Variants in AGAP1 observed in about 807,000 individuals in gnomAD.
AGAP1 encodes the protein arf-GAP with GTPase, ANK repeat and PH domain-containing protein 1.
In AGAP1, 29 loss-of-function variants were observed where a neutral mutation model predicts 105.3. The ratio of observed to expected loss-of-function variants is 0.28; its 90% CI spans 0.21 to 0.38. AGAP1 has a LOEUF of 0.38. Among genes scored for constraint, AGAP1 ranks in the 10% least tolerant of loss-of-function variants. The pLI is 1.00. For missense variants in AGAP1, 998 were observed against 1,165.1 expected (o/e 0.86, Z 2.09); for synonymous variants, 509 against 485.9 (o/e 1.05, Z -0.63).
rs1212664859 is a variant in AGAP1 at position 235,887,194 on chromosome 2, A to G, written c.1155+3745A>G. Among the ~76,000 whole-genome samples the G allele has an allele frequency of 1.3e-5, 2 of 152,216 alleles. No individual in the cohort carries two copies. The highest frequency in any genetic ancestry group is 2.9e-5 in the Non-Finnish European group (2 of 68,042). Reference sequence around the variant, plus strand: ...ACATCCTTGGCTATCTCCAGGATGTATTACGGCAGAAGGACCACTGAGAGT... The same window carrying G: ...ACATCCTTGGCTATCTCCAGGATGTGTTACGGCAGAAGGACCACTGAGAGT... On this transcript the variant is annotated intron_variant, in intron 10 of 17. Coordinates refer to ENST00000304032, the MANE Select transcript of AGAP1 (RefSeq NM_001037131.3). This position sits in a 1 kb window ranked among gnomAD's most constrained non-coding sequence, Gnocchi z 4.1.
At position 235,620,515 on chromosome 2, in the gene AGAP1, C is replaced by T. The variant is rs1946442823; in HGVS notation, c.164-88664C>T. Among the ~76,000 whole-genome samples, 1 of 152,134 alleles carries T rather than the reference C, an allele frequency of 6.6e-6. No individual in the cohort carries two copies. Among genetic ancestry groups the T allele is most frequent in the African/African-American group, 2.4e-5 (1 of 41,426 alleles). On this transcript the variant is annotated intron_variant, in intron 1 of 17. Transcript: ENST00000304032. The surrounding 1 kb of genome is among the most constrained non-coding windows in gnomAD (Gnocchi z 4.5). ...GCACTGCTTCCTCTTTTTGGAAAAC[C>T]TTCCTGGGGGCCCTTGCAGCTTGGC...
rs1348649333 is a variant in AGAP1, at chr2:235,792,703, G to GAGCTAGAAAACAGACGAGAC, written c.674-5037_674-5036insCAGCTAGAAAACAGACGAGA. Among the ~76,000 whole-genome samples the GAGCTAGAAAACAGACGAGAC allele has an allele frequency of 6.6e-6, 1 of 152,212 alleles. No homozygotes were observed. The highest frequency in any genetic ancestry group is 1.5e-5 in the Non-Finnish European group (1 of 68,032). On this transcript the variant is annotated intron_variant, in intron 6 of 17. Transcript: ENST00000304032. The surrounding 1 kb of genome is among the most constrained non-coding windows in gnomAD (Gnocchi z 5.3). ...TGAAGAGCGGGTTGTGCCATCGACTGAGCTAGAAAACAGACGAGAGGCAGG... is the reference window on the plus strand; with the variant it reads ...TGAAGAGCGGGTTGTGCCATCGACTGAGCTAGAAAACAGACGAGACAGCTAGAAAACAGACGAGAGGCAGG...
intron 13 of AGAP1, among the ~76,000 whole-genome samples, chr2:236,011,088 G>A (rs570638117): frequency 6.6e-6 from 1 of 152,314 alleles, no homozygotes; most frequent in South Asian, 2.1e-4. Flanking sequence ...CCAGCATGAT[G>A]ATGAGTTTTC....
At chr2:235,834,481 C>T (rs1959878270) in intron 9 of AGAP1, among the ~76,000 whole-genome samples, 1 of 152,314 alleles carries the variant, frequency 6.6e-6, no homozygotes, top group East Asian at 1.9e-4. Context: ...CCACAGAGCC[C>T]GGTCTGTGAG....
chr2:235,621,651 A>C lies in AGAP1; in HGVS notation c.164-87528A>C, dbSNP rs1411167748. On this transcript the variant is annotated intron_variant, in intron 1 of 17. Transcript: ENST00000304032. The surrounding 1 kb of genome is among the most constrained non-coding windows in gnomAD (Gnocchi z 4.1). The stretch of plus-strand genomic sequence containing the variant: ...TGTCAGTGACCCTTCTGGTCTCTCC[A>C]ACACAAGGGTTGGTCATTCCCTGTG... Among the ~76,000 whole-genome samples the C allele has an allele frequency of 4.6e-5, 7 of 152,204 alleles. No homozygotes were observed.
chr2:235,703,813 T>G (rs528078746), intron 1 of AGAP1, among the ~76,000 whole-genome samples: 98 of 152,256 alleles, frequency 6.4e-4, no homozygotes, highest in Non-Finnish European at 1.2e-3. Flanking sequence ...ACGAGGCTAG[T>G]CTGGAACTCC....
chr2:235,528,166 T>A (rs918939762), intron 1 of AGAP1, among the ~76,000 whole-genome samples: 2 of 152,162 alleles, frequency 1.3e-5, no homozygotes, highest in African/African-American at 4.8e-5. Flanking sequence ...CCAGAAAGTT[T>A]TACCAATTTA....
Position 235,886,795 on chromosome 2 carries a change from G to A in AGAP1, c.1155+3346G>A, listed in dbSNP as rs1196417018. On this transcript the variant is annotated intron_variant, in intron 10 of 17. Coordinates refer to ENST00000304032, the MANE Select transcript of AGAP1 (RefSeq NM_001037131.3). ...CTGAAGAGATGGCATGACCTTCCACGTAATCCTTCATGGGTTTCATTTTCA... is the reference window on the plus strand; with the variant it reads ...CTGAAGAGATGGCATGACCTTCCACATAATCCTTCATGGGTTTCATTTTCA... Among the ~76,000 whole-genome samples, 5 of 152,170 alleles carry A rather than the reference G, an allele frequency of 3.3e-5. No homozygotes were observed. The South Asian group carries it at 6.2e-4, about 19-fold the overall frequency.
chr2:235,826,597 C>G (rs530039908), intron 9 of AGAP1, among the ~76,000 whole-genome samples: 7 of 151,994 alleles, frequency 4.6e-5, no homozygotes, highest in Middle Eastern at 3.4e-3. Context: ...TTACAGGCGC[C>G]CGCCACCACA....
At chr2:235,511,961 T>TAAAGGTGATTGTGAGTGTGTG (rs1942148607) in intron 1 of AGAP1, among the ~76,000 whole-genome samples, 1 of 151,130 alleles carries the variant, frequency 6.6e-6, no homozygotes, top group Admixed American at 6.6e-5. Context: ...AATGTGTGTG[T>TAAAGGTGATTGTGAGTGTGTG]AAAGGTGATT....
At chr2:236,048,960 T>C (rs778179569) in intron 15 of AGAP1, 99 bp from the exon 16 acceptor site, 1 of 1,163,928 alleles carries the variant, frequency 8.6e-7, no homozygotes, top group Non-Finnish European at 1.3e-6. Context: ...GTTCTGTCGT[T>C]GTGAAGTTTG....
rs10681734 is a variant in AGAP1 at position 235,888,705 on chromosome 2, T to TAAA, written c.1155+5269_1155+5271dup. On this transcript the variant is annotated intron_variant, in intron 10 of 17. Transcript: ENST00000304032. This position sits in a 1 kb window ranked among gnomAD's most constrained non-coding sequence, Gnocchi z 4.8. ...GGGCGACCATGCAAGACCCTGTCTT[T>TAAA]AAAAAAAAAAAAAAAGTTGATAGAG... 4.2e-5 allele frequency among the ~76,000 whole-genome samples: 6 copies of TAAA among 142,294 alleles called. No homozygotes were observed. The highest frequency in any genetic ancestry group is 1.0e-4 in the African/African-American group (4 of 38,904). 93.4% of individuals were successfully genotyped at this position (142,294 alleles called of 152,430 possible). A position where few individuals can be genotyped will look rare whatever the true frequency, so the allele number is the denominator to read the frequency against.
intron 1 of AGAP1, among the ~76,000 whole-genome samples, chr2:235,576,245 A>T (rs1397978717): frequency 6.6e-6 from 1 of 152,134 alleles, no homozygotes; most frequent in Non-Finnish European, 1.5e-5. Flanking sequence ...CTGTGCTATG[A>T]GTCTTTGTCC....
chr2:235,815,524 C>T (rs546897498), intron 9 of AGAP1, among the ~76,000 whole-genome samples: 74 of 152,168 alleles, frequency 4.9e-4, no homozygotes, highest in Middle Eastern at 3.2e-3. Flanking sequence ...TCCTGTAACA[C>T]ACAGCTGGGT....
At chr2:235,950,887 CTTTTTTTTTTTT>C (rs200110792) in intron 12 of AGAP1, among the ~76,000 whole-genome samples, 46 of 118,240 alleles carry the variant, frequency 3.9e-4, no homozygotes, top group African/African-American at 1.1e-3. Context: ...TCTCCAAGCA[CTTTTTTTTTTTT>C]TTTTTTTTTT....
rs539872976 is a variant in AGAP1, at chr2:236,120,340, G to A, written c.2263G>A (p.Gly755Ser). 8.1e-6 allele frequency: 13 copies of A among 1,612,202 alleles called. No homozygotes were observed. The highest frequency in any genetic ancestry group is 1.8e-4 in the Middle Eastern group (1 of 5,428). Reference sequence around the variant, plus strand: ...GACGGCCATCCTGCTGCTGGCACACGGCTCCCGGGACGAGGTGAACGAGAC... The same window carrying A: ...GACGGCCATCCTGCTGCTGGCACACAGCTCCCGGGACGAGGTGAACGAGAC... Reference protein sequence around the residue: ...LRTAILLLAHGSRDEVNETCG... With the variant: ...LRTAILLLAHSSRDEVNETCG... The change falls in exon 17 of 18, where the codon GGC (glycine) becomes AGC (serine). Residue 755 changes from glycine (G) to serine (S), a missense_variant. Coordinates refer to ENST00000304032, the MANE Select transcript of AGAP1 (RefSeq NM_001037131.3). The surrounding 1 kb of genome is among the most constrained non-coding windows in gnomAD (Gnocchi z 6.0).
At chr2:235,681,513 A>G (rs952508029) in intron 1 of AGAP1, among the ~76,000 whole-genome samples, 2 of 152,210 alleles carry the variant, frequency 1.3e-5, no homozygotes, top group Admixed American at 1.3e-4. Flanking sequence ...ACAGGTGGAC[A>G]GCCAGACACA....
In AGAP1 at chr2:236,073,141, G is replaced by T. The variant is rs185279183; in HGVS notation, c.2114+23860G>T. On this transcript the variant is annotated intron_variant, in intron 16 of 17. Coordinates refer to ENST00000304032, the MANE Select transcript of AGAP1 (RefSeq NM_001037131.3). The surrounding 1 kb of genome is among the most constrained non-coding windows in gnomAD (Gnocchi z 5.4). ...CCCCCGAGTAGCTGGGATTACAGGC[G>T]CACGCCACCACGCCTGGCTAATTTT... 5.9e-5 allele frequency among the ~76,000 whole-genome samples: 9 copies of T among 152,076 alleles called. No individual in the cohort carries two copies. The East Asian group carries it at 1.6e-3, about 26-fold the overall frequency.
chr2:235,560,852 T>C (rs1944126998), intron 1 of AGAP1, among the ~76,000 whole-genome samples: 1 of 152,308 alleles, frequency 6.6e-6, no homozygotes, highest in East Asian at 1.9e-4. Flanking sequence ...GCACCTCCCC[T>C]TTCCAACCTT....
Sources: gnomAD v4.1 joint callset for allele counts (sites outside exome capture counted in the v4.1 genomes callset) on GRCh38, gnomAD v4.1.1 for gene constraint, Gnocchi (gnomAD v3.1) non-coding constraint, MANE v1.5 for transcripts, NCBI Gene and HGNC (gene_info 2026-07-23, HGNC 2026-07-21) for gene names.